PPP1R12B: variants seen among roughly 807,000 people sequenced by gnomAD.
PPP1R12B encodes the protein myosin phosphatase target subunit 2.
PPP1R12B carries 76 observed loss-of-function variants against 126.1 expected under a neutral mutation model. The observed-to-expected ratio is 0.60, with a 90% CI of 0.50 to 0.73. The LOEUF is 0.73. Ranked by LOEUF, PPP1R12B falls within the 30% of genes least tolerant of loss-of-function variation. The probability of loss-of-function intolerance (pLI) is 0.00; values close to 1 mark genes in which losing one functional copy is unlikely to be tolerated. For synonymous variants in PPP1R12B, 356 were observed against 434.7 expected (o/e 0.82, Z 2.25); for missense variants, 1,052 against 1,205.1 (o/e 0.87, Z 1.88).
At chr1:202,426,689 A>T (rs1445827831) in intron 4 of PPP1R12B, among the ~76,000 whole-genome samples, 1 of 152,234 alleles carries the variant, frequency 6.6e-6, no homozygotes, top group Non-Finnish European at 1.5e-5. Context: ...TCTTCCCTGC[A>T]CTGGAAAATG....
At chr1:202,434,427 A>T (rs1670550053) in intron 8 of PPP1R12B, among the ~76,000 whole-genome samples, 1 of 152,212 alleles carries the variant, frequency 6.6e-6, no homozygotes, top group African/African-American at 2.4e-5. Context: ...TTCAGTTTTT[A>T]TCTGAAAGTT....
At chr1:202,350,631 T>C (rs571818736) in intron 1 of PPP1R12B, among the ~76,000 whole-genome samples, 102 of 152,022 alleles carry the variant, frequency 6.7e-4, no homozygotes, top group African/African-American at 2.3e-3. Flanking sequence ...TTTTCTTTTT[T>C]TTTTTTTGAT....
At chr1:202,482,875 G>A (rs1677581450) in intron 13 of PPP1R12B, among the ~76,000 whole-genome samples, 2 of 152,086 alleles carry the variant, frequency 1.3e-5, no homozygotes, top group Admixed American at 6.5e-5. Context: ...CCATAGTTTT[G>A]GGTTTCCATG....
At chr1:202,421,685 G>A (rs1004460362) in intron 2 of PPP1R12B, among the ~76,000 whole-genome samples, 13 of 151,836 alleles carry the variant, frequency 8.6e-5, no homozygotes, top group Admixed American at 5.9e-4. Context: ...TATAGTAGGG[G>A]TCCAGTAAAT....
chr1:202,413,699 T>C (rs921027566), intron 1 of PPP1R12B, among the ~76,000 whole-genome samples: 2 of 152,200 alleles, frequency 1.3e-5, no homozygotes, highest in Admixed American at 1.3e-4. Flanking sequence ...TACATGTTAA[T>C]ATAAATTACA....
chr1:202,351,242 T>TAA (rs759452680), intron 1 of PPP1R12B, among the ~76,000 whole-genome samples: 1 of 117,552 alleles, frequency 8.5e-6, no homozygotes, highest in Non-Finnish European at 1.9e-5. Context: ...TGTTGTTGTT[T>TAA]AAAAAAAAAA....
rs114809829 is a variant in PPP1R12B at position 202,450,710 on chromosome 1, C to G, written c.1850+1539C>G. On this transcript the variant is annotated intron_variant, in intron 13 of 23. Transcript: ENST00000608999. ...TATTTCTGAGTTCTCTACTCTGTTC[C>G]ACTGGTCTATATGTCTGTTTTTATG... 2.2e-4 allele frequency among the ~76,000 whole-genome samples: 33 copies of G among 152,266 alleles called. 1 individual carries two copies. The highest frequency in any genetic ancestry group is 4.4e-4 in the Non-Finnish European group (30 of 68,004).
intron 1 of PPP1R12B, among the ~76,000 whole-genome samples, chr1:202,378,046 G>A (rs756452349): frequency 4.2e-4 from 64 of 151,342 alleles, no homozygotes; most frequent in Non-Finnish European, 7.7e-4. Flanking sequence ...CACCGTGTTA[G>A]CCAGGATGAT....
At chr1:202,505,567 A>G (rs1279304834) in intron 18 of PPP1R12B, among the ~76,000 whole-genome samples, 10 of 152,102 alleles carry the variant, frequency 6.6e-5, no homozygotes, top group Admixed American at 6.5e-4. Context: ...TTTAGGTAAA[A>G]TCCTAAGTCT....
At chr1:202,381,276 C>T (rs550175221) in intron 1 of PPP1R12B, among the ~76,000 whole-genome samples, 16 of 152,008 alleles carry the variant, frequency 1.1e-4, no homozygotes, top group Non-Finnish European at 2.1e-4. Context: ...CTATCTTACC[C>T]TTAGAGAAAA....
At chr1:202,479,737 C>T (rs1007785596) in intron 13 of PPP1R12B, among the ~76,000 whole-genome samples, 2 of 152,080 alleles carry the variant, frequency 1.3e-5, no homozygotes, top group African/African-American at 4.8e-5. Context: ...AAATGTGGTC[C>T]CCAGACCAGC....
intron 20 of PPP1R12B, 23 bp from the exon 21 acceptor site, chr1:202,564,420 C>G (rs768603725): frequency 1.9e-6 from 3 of 1,559,802 alleles, no homozygotes; most frequent in Non-Finnish European, 2.6e-6. Context: ...GAACGCTGAT[C>G]CTCTTTTTTC....
intron 14 of PPP1R12B, among the ~76,000 whole-genome samples, chr1:202,490,547 T>C (rs540797685): frequency 1.1e-4 from 16 of 152,324 alleles, no homozygotes; most frequent in African/African-American, 3.1e-4. Flanking sequence ...ATTAAGTACA[T>C]TTACATTGTT....
intron 18 of PPP1R12B, chr1:202,502,376 C>G: frequency 3.0e-6 from 3 of 984,836 alleles, no homozygotes; most frequent in Non-Finnish European, 3.6e-6. Context: ...TTGGAATTTG[C>G]TAGCAGAGCT....
At chr1:202,459,420 C>G (rs1674034473) in intron 13 of PPP1R12B, among the ~76,000 whole-genome samples, 1 of 152,076 alleles carries the variant, frequency 6.6e-6, no homozygotes, top group Non-Finnish European at 1.5e-5. Flanking sequence ...AATAGAGATT[C>G]AAGGTTTGCA....
At chr1:202,381,397 GGTGT>G (rs773680210) in intron 1 of PPP1R12B, among the ~76,000 whole-genome samples, 24 of 23,268 alleles carry the variant, frequency 1.0e-3, no homozygotes, top group Admixed American at 6.3e-3. Flanking sequence ...TGAGCTTTGG[GGTGT>G]GTGTGTGTGT....
At chr1:202,409,263 T>A (rs920544152) in intron 1 of PPP1R12B, among the ~76,000 whole-genome samples, 4 of 152,100 alleles carry the variant, frequency 2.6e-5, no homozygotes, top group African/African-American at 9.7e-5. Context: ...CTGTTTTCCA[T>A]AGAGGCTATA....
chr1:202,512,871 C>T (rs1195084462), intron 18 of PPP1R12B, among the ~76,000 whole-genome samples: 2 of 152,078 alleles, frequency 1.3e-5, no homozygotes, highest in Non-Finnish European at 2.9e-5. Context: ...TTCCTTTGAC[C>T]CCCTCCCTGG....
chr1:202,365,551 A>C (rs1659071553), intron 1 of PPP1R12B, among the ~76,000 whole-genome samples: 1 of 152,172 alleles, frequency 6.6e-6, no homozygotes, highest in South Asian at 2.1e-4. Flanking sequence ...GGTTTATTCC[A>C]CTTAATGATG....
Sources: allele counts gnomAD v4.1 joint callset (sites outside exome capture counted in the v4.1 genomes callset), GRCh38; gene constraint gnomAD v4.1.1; transcripts MANE v1.5; gene names NCBI Gene and HGNC (gene_info 2026-07-23, HGNC 2026-07-21).